Variants in FXR1 observed in about 807,000 individuals in gnomAD.
The protein encoded by FXR1 is RNA-binding protein FXR1.
Under a neutral mutation model 84.0 loss-of-function variants are expected in FXR1, and 15 were observed. The ratio of observed to expected loss-of-function variants is 0.18; its 90% CI spans 0.12 to 0.27. FXR1 has a LOEUF of 0.27. Ranked by LOEUF, FXR1 falls within the 10% of genes least tolerant of loss-of-function variation. FXR1 has a pLI of 1.00. For missense variants in FXR1, 480 were observed against 774.4 expected, an observed-to-expected ratio of 0.62 and a Z score of 4.51; for synonymous variants, 245 against 250.7, an observed-to-expected ratio of 0.98 and a Z score of 0.21.
intron 3 of FXR1, among the ~76,000 whole-genome samples, chr3:180,937,479 T>C (rs1720654094): frequency 6.6e-6 from 1 of 152,182 alleles, no homozygotes; most frequent in South Asian, 2.1e-4. Context: ...ACATTGGTGT[T>C]AGAGATTGAA....
At chr3:180,933,481 T>A in intron 2 of FXR1, 95 bp downstream of exon 2, 1 of 737,974 alleles carries the variant, frequency 1.4e-6, no homozygotes. Context: ...GAAAAATGAT[T>A]TTGCTTTTAG....
At chr3:180,970,383 A>AT in intron 15 of FXR1, 25 bp downstream of exon 15, 3 of 366,378 alleles carry the variant, frequency 8.2e-6, no homozygotes, top group Non-Finnish European at 5.3e-6. Flanking sequence ...AGGGAAGAGA[A>AT]ATATATATAT....
At chr3:180,942,699 A>C (rs995224408) in intron 3 of FXR1, among the ~76,000 whole-genome samples, 2 of 152,190 alleles carry the variant, frequency 1.3e-5, no homozygotes, top group Non-Finnish European at 2.9e-5. Context: ...TTAGTATGTT[A>C]GAGCAGTGTG....
Position 180,963,060 on chromosome 3 carries a change from C to T in FXR1, c.1168C>T (p.Arg390Cys), listed in dbSNP as rs1297837502. ...SRSYSGRGRGRRGPNYTSGYG... is the reference protein window; with the variant it reads ...SRSYSGRGRGCRGPNYTSGYG... The stretch of plus-strand genomic sequence containing the variant: ...GTCTTATAGCGGAAGAGGCAGAGGT[C>T]GTCGGGGACCTAATTACACCTCCGG... Residue 390 changes from arginine (R) to cysteine (C), a missense_variant, in exon 13 of 17, where the codon CGT (arginine) becomes TGT (cysteine). By Grantham distance (180) the Arg-to-Cys change is radical. Around this residue, in one of 6 missense-constraint regions of FXR1, gnomAD observed 157 missense variants for 227.8 expected, o/e 0.69. Transcript: ENST00000357559. 3 of 1,590,330 alleles carry T rather than the reference C, an allele frequency of 1.9e-6. No individual in the cohort carries two copies. Among genetic ancestry groups the T allele is most frequent in the South Asian group, 1.1e-5 (1 of 89,714 alleles).
Position 180,927,174 on chromosome 3 carries a change from T to C in FXR1, c.52-6160T>C, listed in dbSNP as rs533980226. On this transcript the variant is annotated intron_variant, in intron 1 of 16. Transcript: ENST00000357559. ...TACTACCAGACTCAATCTTTTAGAGTTTAAAACTATATGAATTGGCAAAAG... is the reference window on the plus strand; with the variant it reads ...TACTACCAGACTCAATCTTTTAGAGCTTAAAACTATATGAATTGGCAAAAG... Among the ~76,000 whole-genome samples the C allele has an allele frequency of 2.1e-3, 314 of 152,142 alleles. 2 individuals are homozygous for C. Among genetic ancestry groups the C allele is most frequent in the Non-Finnish European group, 3.2e-3 (219 of 67,926 alleles).
In FXR1 at chr3:180,968,069, C is replaced by T; in HGVS notation, c.1217C>T (p.Ser406Phe). 2 of 1,610,916 alleles carry T rather than the reference C, an allele frequency of 1.2e-6. No individual in the cohort carries two copies. Among genetic ancestry groups the T allele is most frequent in the Non-Finnish European group, 1.7e-6 (2 of 1,177,152 alleles). Reference protein sequence around the residue: ...TSGYGTNSELSNPSETESERK... With the variant: ...TSGYGTNSELFNPSETESERK... ...TTCCAAGGTACAAATTCTGAGCTGTCTAACCCCTCTGAAACGGAATCTGAG... is the reference window on the plus strand; with the variant it reads ...TTCCAAGGTACAAATTCTGAGCTGTTTAACCCCTCTGAAACGGAATCTGAG... The change falls in exon 14 of 17, where the codon TCT (serine) becomes TTT (phenylalanine). Residue 406 changes from serine (S) to phenylalanine (F), a missense_variant. Physicochemically the swap from Ser to Phe is radical, Grantham distance 155. Around this residue, in one of 6 missense-constraint regions of FXR1, gnomAD observed 157 missense variants for 227.8 expected, o/e 0.69. Coordinates refer to ENST00000357559, the MANE Select transcript of FXR1 (RefSeq NM_005087.4).
chr3:180,918,795 T>C (rs943172142), intron 1 of FXR1, among the ~76,000 whole-genome samples: 3 of 152,218 alleles, frequency 2.0e-5, no homozygotes, highest in Non-Finnish European at 2.9e-5. Flanking sequence ...TAATTTTCAT[T>C]GAGTACCCAG....
At chr3:180,920,711 G>A (rs981069665) in intron 1 of FXR1, among the ~76,000 whole-genome samples, 22 of 152,028 alleles carry the variant, frequency 1.4e-4, no homozygotes, top group Admixed American at 1.0e-3. Flanking sequence ...GCGATTTGCC[G>A]TGTTGACTAG....
intron 1 of FXR1, among the ~76,000 whole-genome samples, chr3:180,917,395 T>C (rs1296022667): frequency 1.3e-5 from 2 of 152,160 alleles, no homozygotes; most frequent in South Asian, 2.1e-4. Context: ...AGATTTGTAA[T>C]TGAAAAAACG....
At chr3:180,918,477 G>C (rs1348382606) in intron 1 of FXR1, among the ~76,000 whole-genome samples, 1 of 152,044 alleles carries the variant, frequency 6.6e-6, no homozygotes, top group African/African-American at 2.4e-5. Context: ...AGGATAGTGA[G>C]CTTACATTTT....
At chr3:180,956,957 G>A (rs1257186607) in intron 9 of FXR1, among the ~76,000 whole-genome samples, 1 of 152,158 alleles carries the variant, frequency 6.6e-6, no homozygotes, top group Non-Finnish European at 1.5e-5. Context: ...TGAGGATGTG[G>A]ACTTGATAAC....
chr3:180,962,473 A>C (rs1464167145), intron 11 of FXR1, among the ~76,000 whole-genome samples: 1 of 152,224 alleles, frequency 6.6e-6, no homozygotes, highest in Non-Finnish European at 1.5e-5. Context: ...CACTGCTTTG[A>C]TAGGAAAGTA....
At chr3:180,955,158 C>G (rs1722625679) in intron 9 of FXR1, among the ~76,000 whole-genome samples, 1 of 151,804 alleles carries the variant, frequency 6.6e-6, no homozygotes, top group Non-Finnish European at 1.5e-5. Context: ...CCACGCCTGG[C>G]TAATTTTTGT....
chr3:180,922,866 G>A (rs747059878), intron 1 of FXR1, among the ~76,000 whole-genome samples: 8 of 152,052 alleles, frequency 5.3e-5, no homozygotes, highest in Non-Finnish European at 8.8e-5. Flanking sequence ...TTCCTGCCTC[G>A]GCCTCCCAAA....
intron 1 of FXR1, among the ~76,000 whole-genome samples, chr3:180,922,975 A>G (rs560732173): frequency 2.0e-5 from 3 of 152,046 alleles, no homozygotes; most frequent in Admixed American, 6.6e-5. Flanking sequence ...TTAGTTTTTA[A>G]CATAATTTTT....
At chr3:180,922,774 A>G (rs1430215388) in intron 1 of FXR1, among the ~76,000 whole-genome samples, 2 of 152,134 alleles carry the variant, frequency 1.3e-5, no homozygotes, top group East Asian at 3.9e-4. Context: ...CACCATGCCC[A>G]GCTAATTTAA....
chr3:180,926,534 T>TA (rs1246056187), intron 1 of FXR1, among the ~76,000 whole-genome samples: 1 of 145,276 alleles, frequency 6.9e-6, no homozygotes, highest in Non-Finnish European at 1.5e-5. Flanking sequence ...TTGTTGGCAT[T>TA]AAAAAAGAAA....
At position 180,977,760 on chromosome 3, in the gene FXR1, T is replaced by G. The variant is rs934819193; in HGVS notation, c.*1468T>G. ...ATATGAAAAGTGTTGTGTGCATAGT[T>G]TGTGTTAATTTTTTATGTGCATAAA... On this transcript the variant is annotated 3_prime_UTR_variant, in exon 17 of 17. Coordinates refer to ENST00000357559, the MANE Select transcript of FXR1 (RefSeq NM_005087.4). 1.3e-5 allele frequency: 2 copies of G among 152,236 alleles called. No homozygotes were observed. The highest frequency in any genetic ancestry group is 1.5e-5 in the Non-Finnish European group (1 of 67,972). The allele number at this position is 152,236 out of a possible 1,614,324, so 9.4% of individuals were successfully genotyped here.
At chr3:180,956,913 A>G (rs1321275188) in intron 9 of FXR1, among the ~76,000 whole-genome samples, 2 of 152,198 alleles carry the variant, frequency 1.3e-5, no homozygotes. Context: ...ACCAAGGTTT[A>G]AGTTTTTGTG....
Sources: gnomAD v4.1 joint callset for allele counts (sites outside exome capture counted in the v4.1 genomes callset) on GRCh38, gnomAD v4.1.1 for gene constraint, gnomAD v4.1.1 regional missense constraint, MANE v1.5 for transcripts, NCBI Gene and HGNC (gene_info 2026-07-23, HGNC 2026-07-21) for gene names.